The following VXN variants were observed in gnomAD, a reference collection of about 807,000 sequenced individuals.
VXN encodes the protein uncharacterized protein C8orf46.
A neutral mutation model predicts 23.1 loss-of-function variants in VXN; 7 were observed. The observed-to-expected ratio is 0.30, with a 90% confidence interval of 0.17 to 0.57. The LOEUF (loss-of-function observed/expected upper bound fraction) is 0.57, where lower values mean the gene tolerates loss of function less well. Ranked by LOEUF, VXN falls within the 20% of genes least tolerant of loss-of-function variation. The probability of loss-of-function intolerance (pLI) is 0.91; values close to 1 mark genes in which losing one functional copy is unlikely to be tolerated. For synonymous variants in VXN, 120 were observed against 105.8 expected (o/e 1.13, Z -0.83); for missense variants, 238 against 272.6 (o/e 0.87, Z 0.89).
chr8:66,505,542 G>A lies in VXN; in HGVS notation c.280+14G>A, dbSNP rs774364019. 6 of 1,475,258 alleles carry A rather than the reference G, an allele frequency of 4.1e-6. No individual in the cohort carries two copies. Among genetic ancestry groups the A allele is most frequent in the South Asian group, 1.4e-5 (1 of 71,692 alleles). 91.4% of individuals were successfully genotyped at this position (1,475,258 alleles called of 1,614,324 possible). On this transcript the variant is annotated intron_variant, in intron 3 of 5. Transcript: ENST00000305454. ...CTGCCAGACCCGGTACGTGAGTCCC[G>A]GCCCCAGCTCCCCGCACCTCCCTGG... is the stretch of plus-strand genomic sequence containing the variant.
rs1441197269 is a variant in VXN at position 66,517,301 on chromosome 8, G to A, written c.*1225G>A. On this transcript the variant is annotated 3_prime_UTR_variant, in exon 6 of 6. Coordinates refer to ENST00000305454, the MANE Select transcript of VXN (RefSeq NM_152765.4). ...TCATCTATTAAATGCCTATGTTTCA[G>A]GCATGATACTAGGCAATTTATATAT... 6.6e-6 allele frequency: 1 copy of A among 152,158 alleles called. No individual in the cohort carries two copies. Among genetic ancestry groups the A allele is most frequent in the Non-Finnish European group, 1.5e-5 (1 of 68,004 alleles). 9.4% of individuals were successfully genotyped at this position (152,158 alleles called of 1,614,324 possible).
At chr8:66,510,020 G>C in intron 3 of VXN, 76 bp from the exon 4 acceptor site, 1 of 1,370,338 alleles carries the variant, frequency 7.3e-7, no homozygotes, top group Non-Finnish European at 1.0e-6. Flanking sequence ...TGGCTAACAA[G>C]GTAATTGATG....
chr8:66,515,770 G>A (rs1370769808), intron 5 of VXN, 123 bp from the exon 6 acceptor site: 32 of 817,846 alleles, frequency 3.9e-5, no homozygotes, highest in South Asian at 4.0e-5. Flanking sequence ...TTACAGCTAC[G>A]TGGATCCCGG....
At chr8:66,507,185 T>G (rs9298112) in intron 3 of VXN, among the ~76,000 whole-genome samples, 24,149 of 152,104 alleles carry the variant, frequency 0.16, 2,112 homozygotes, top group African/African-American at 0.19. Context: ...TAATGTGGTG[T>G]TTCTCAAAGT....
At chr8:66,501,485 T>C (rs1408283287) in intron 2 of VXN, among the ~76,000 whole-genome samples, 1 of 152,142 alleles carries the variant, frequency 6.6e-6, no homozygotes, top group Non-Finnish European at 1.5e-5. Flanking sequence ...GGTGAGGTGT[T>C]CTCAAAAATG....
chr8:66,502,506 G>A (rs1807702651), intron 2 of VXN, among the ~76,000 whole-genome samples: 1 of 152,144 alleles, frequency 6.6e-6, no homozygotes, highest in South Asian at 2.1e-4. Context: ...CTAGCACTTT[G>A]GGAGGCCGAG....
At chr8:66,511,494 CA>C (rs1807823750) in intron 4 of VXN, among the ~76,000 whole-genome samples, 1 of 152,228 alleles carries the variant, frequency 6.6e-6, no homozygotes, top group African/African-American at 2.4e-5. Flanking sequence ...TCCCCTTCCC[CA>C]ACCTGGTACT....
intron 2 of VXN, among the ~76,000 whole-genome samples, chr8:66,497,217 A>G (rs939730698): frequency 1.3e-5 from 2 of 152,192 alleles, no homozygotes; most frequent in Non-Finnish European, 2.9e-5. Context: ...TCCTCAGAGC[A>G]TAGGCCTCAA....
At chr8:66,513,811 C>G in intron 5 of VXN, 174 bp downstream of exon 5, 1 of 564,862 alleles carries the variant, frequency 1.8e-6, no homozygotes, top group Non-Finnish European at 3.1e-6. Flanking sequence ...TCTGCAGCGC[C>G]TCATCAACTG....
At chr8:66,513,366 G>A (rs1807846937) in intron 4 of VXN, among the ~76,000 whole-genome samples, 174 bp from the exon 5 acceptor site, 1 of 152,172 alleles carries the variant, frequency 6.6e-6, no homozygotes, top group Non-Finnish European at 1.5e-5. Context: ...GCTGGGGTGG[G>A]GCCTGGCACT....
intron 2 of VXN, chr8:66,503,470 G>C (rs572867557): frequency 6.6e-6 from 1 of 152,310 alleles, no homozygotes; most frequent in African/African-American, 2.4e-5. Context: ...CCTGAGGCTT[G>C]TGTGTTAGCC....
chr8:66,496,960 C>T (rs552924707), intron 2 of VXN, among the ~76,000 whole-genome samples: 17 of 152,296 alleles, frequency 1.1e-4, no homozygotes, highest in African/African-American at 3.1e-4. Context: ...TCTCTGCTCA[C>T]TGCAACCTCC....
At chr8:66,505,767 G>A (rs1188212282) in intron 3 of VXN, among the ~76,000 whole-genome samples, 1 of 152,196 alleles carries the variant, frequency 6.6e-6, no homozygotes, top group Non-Finnish European at 1.5e-5. Context: ...TCCTAGGTTT[G>A]CGTAATGAGC....
At chr8:66,498,212 T>C (rs961237370) in intron 2 of VXN, among the ~76,000 whole-genome samples, 2 of 151,360 alleles carry the variant, frequency 1.3e-5, no homozygotes, top group African/African-American at 4.9e-5. Context: ...TATGCTCTTG[T>C]TGTCCTAGCT....
intron 4 of VXN, 66 bp downstream of exon 4, chr8:66,510,223 C>T: frequency 7.7e-7 from 1 of 1,307,124 alleles, no homozygotes; most frequent in Non-Finnish European, 1.1e-6. Flanking sequence ...GTCTGATTCT[C>T]CTGTGCCATG....
intron 5 of VXN, among the ~76,000 whole-genome samples, chr8:66,514,919 C>T (rs925971241): frequency 9.2e-5 from 14 of 152,170 alleles, no homozygotes; most frequent in African/African-American, 3.4e-4. Context: ...AGAGCAAGAA[C>T]AGGCTAGTGG....
At chr8:66,502,607 C>G (rs1042836568) in intron 2 of VXN, among the ~76,000 whole-genome samples, 3 of 151,914 alleles carry the variant, frequency 2.0e-5, no homozygotes, top group Admixed American at 2.0e-4. Flanking sequence ...ATTAGCCAGG[C>G]GTGGTGGCAG....
Position 66,496,455 on chromosome 8 carries a change from G to A in VXN, c.89G>A (p.Arg30Lys). The A allele has an allele frequency of 6.2e-7, 1 of 1,614,192 alleles. No homozygotes were observed. Among genetic ancestry groups the A allele is most frequent in the African/African-American group, 1.3e-5 (1 of 75,058 alleles). The change falls in exon 2 of 6, where the codon AGA becomes AAA. Residue 30 changes from arginine (R) to lysine (K), a missense_variant. Transcript: ENST00000305454. ...IPSKVSSPARRRAKSSQHLLT... is the reference protein window; with the variant it reads ...IPSKVSSPARKRAKSSQHLLT... Reference sequence around the variant, plus strand: ...TTTGCAGTATCCAGTCCAGCCAGAAGAAGAGCCAAAAGCTCTCAGCACCTC... The same window carrying A: ...TTTGCAGTATCCAGTCCAGCCAGAAAAAGAGCCAAAAGCTCTCAGCACCTC...
intron 2 of VXN, among the ~76,000 whole-genome samples, chr8:66,504,913 C>G (rs1289802471): frequency 1.3e-5 from 2 of 152,270 alleles, no homozygotes; most frequent in Non-Finnish European, 2.9e-5. Context: ...CTTCGCTCTG[C>G]TAGAGCATCC....
Sources: gnomAD v4.1 joint callset for allele counts (sites outside exome capture counted in the v4.1 genomes callset) on GRCh38, gnomAD v4.1.1 for gene constraint, MANE v1.5 for transcripts, NCBI Gene and HGNC (gene_info 2026-07-23, HGNC 2026-07-21) for gene names.